Variants in PTPRD observed in about 807,000 individuals in gnomAD.
PTPRD encodes the protein receptor-type tyrosine-protein phosphatase delta.
Under a neutral mutation model 214.5 loss-of-function variants are expected in PTPRD, and 34 were observed. The observed-to-expected ratio is 0.16, with a 90% CI of 0.12 to 0.21. The LOEUF (loss-of-function observed/expected upper bound fraction) is 0.21. Ranked by LOEUF, PTPRD falls within the 10% of genes least tolerant of loss-of-function variation. The pLI is 1.00. For synonymous variants in PTPRD, 1,128 were observed against 845.7 expected, an observed-to-expected ratio of 1.33 and a Z score of -5.79; for missense variants, 2,545 against 2,398.7, an observed-to-expected ratio of 1.06 and a Z score of -1.27.
chr9:9,672,262 G>A (rs2096846097), intron 7 of PTPRD, among the ~76,000 whole-genome samples: 1 of 151,906 alleles, frequency 6.6e-6, no homozygotes, highest in South Asian at 2.1e-4. Context: ...ATCATCTAAA[G>A]ACTATTTTTA....
chr9:9,525,783 T>C (rs112451364), intron 8 of PTPRD, among the ~76,000 whole-genome samples: 2 of 152,192 alleles, frequency 1.3e-5, no homozygotes, highest in African/African-American at 4.8e-5. Context: ...TAGTAGGTAT[T>C]CATATTTCTT....
chr9:8,846,762 T>C (rs974374905), intron 11 of PTPRD, among the ~76,000 whole-genome samples: 2 of 151,972 alleles, frequency 1.3e-5, no homozygotes, highest in African/African-American at 4.8e-5. Context: ...AAAATGAATA[T>C]GAGTATGGCA....
intron 21 of PTPRD, among the ~76,000 whole-genome samples, chr9:8,510,723 G>T (rs1045690990): frequency 3.9e-5 from 6 of 152,114 alleles, no homozygotes; most frequent in Non-Finnish European, 8.8e-5. Flanking sequence ...GGAACTGAGG[G>T]TGTACCTAAC....
intron 3 of PTPRD, among the ~76,000 whole-genome samples, chr9:10,180,675 A>G (rs1027613640): frequency 2.6e-5 from 4 of 151,504 alleles, no homozygotes; most frequent in African/African-American, 9.7e-5. Context: ...AAAAAAATAG[A>G]TTAGCTTACC....
intron 11 of PTPRD, among the ~76,000 whole-genome samples, chr9:8,874,311 T>C (rs1250992412): frequency 6.6e-6 from 1 of 152,176 alleles, no homozygotes; most frequent in African/African-American, 2.4e-5. Context: ...ACCAGGACAT[T>C]CTTTGTTCCT....
chr9:9,686,960 C>T (rs1564542912), intron 7 of PTPRD, among the ~76,000 whole-genome samples: 1 of 151,692 alleles, frequency 6.6e-6, no homozygotes, highest in East Asian at 1.9e-4. Context: ...AAGACATTGT[C>T]CCTGCCTTGC....
intron 11 of PTPRD, among the ~76,000 whole-genome samples, chr9:8,831,915 T>TG (rs1008718542): frequency 4.6e-5 from 7 of 151,804 alleles, no homozygotes; most frequent in South Asian, 2.1e-4. Flanking sequence ...TAGTGCTTTT[T>TG]TTGACAGTTG....
intron 3 of PTPRD, among the ~76,000 whole-genome samples, chr9:10,098,805 G>A (rs1172783823): frequency 6.6e-6 from 1 of 151,758 alleles, no homozygotes; most frequent in Admixed American, 6.6e-5. Context: ...GCAAAGACAT[G>A]CAGGTGGTTA....
chr9:8,837,066 C>T (rs1412767677), intron 11 of PTPRD, among the ~76,000 whole-genome samples: 4 of 141,560 alleles, frequency 2.8e-5, no homozygotes, highest in Non-Finnish European at 3.1e-5. Flanking sequence ...CGCTGTGTCA[C>T]CCAGGCTGGA....
intron 9 of PTPRD, among the ~76,000 whole-genome samples, chr9:9,285,369 GTCT>G (rs1345839904): frequency 6.6e-6 from 1 of 151,604 alleles, no homozygotes; most frequent in African/African-American, 2.4e-5. Context: ...CTTCTCTTCA[GTCT>G]ATAAAGAATG....
At position 9,088,100 on chromosome 9, in the gene PTPRD, T is replaced by G. The variant is rs941201906; in HGVS notation, c.-142-69365A>C. 4.6e-5 allele frequency among the ~76,000 whole-genome samples: 7 copies of G among 151,316 alleles called. No individual in the cohort carries two copies. The East Asian group carries it at 1.2e-3, about 26-fold the overall frequency. On this transcript the variant is annotated intron_variant, in intron 10 of 45. Transcript: ENST00000381196. The stretch of plus-strand genomic sequence containing the variant: ...TTTCACCAAGTTGTCCAGGCTGGTC[T>G]TGAACTCCTGACCTGAAGTGATCTG...
intron 3 of PTPRD, among the ~76,000 whole-genome samples, chr9:10,286,980 G>C (rs562921679): frequency 1.3e-5 from 2 of 152,236 alleles, no homozygotes; most frequent in Admixed American, 6.5e-5. Flanking sequence ...AGAATGTAAG[G>C]TTAGCGAACT....
intron 11 of PTPRD, among the ~76,000 whole-genome samples, chr9:8,864,620 AAGT>A: frequency 6.6e-6 from 1 of 152,218 alleles, no homozygotes; most frequent in African/African-American, 2.4e-5. Flanking sequence ...ACTCACTCAG[AAGT>A]GAAATACCAC....
At chr9:9,077,627 T>C (rs1466900915) in intron 10 of PTPRD, among the ~76,000 whole-genome samples, 2 of 152,094 alleles carry the variant, frequency 1.3e-5, no homozygotes, top group Non-Finnish European at 2.9e-5. Context: ...CAAAGATTTG[T>C]GACTAAATGT....
chr9:10,379,249 TG>T (rs576972677), intron 2 of PTPRD, among the ~76,000 whole-genome samples: 51 of 149,064 alleles, frequency 3.4e-4, no homozygotes, highest in South Asian at 1.1e-3. Flanking sequence ...TAGTTTTTTT[TG>T]TGTGTGTGTG....
At chr9:10,192,357 G>A (rs1031059852) in intron 3 of PTPRD, among the ~76,000 whole-genome samples, 1 of 136,064 alleles carries the variant, frequency 7.3e-6, no homozygotes, top group East Asian at 2.3e-4. Flanking sequence ...TAATACAACA[G>A]AAATTTATTC....
chr9:10,231,874 C>CATG (rs1300375813), intron 3 of PTPRD, among the ~76,000 whole-genome samples: 1 of 151,540 alleles, frequency 6.6e-6, no homozygotes, highest in Non-Finnish European at 1.5e-5. Flanking sequence ...GTGGATCTCT[C>CATG]ATGAATATCT....
At chr9:9,700,715 C>A (rs1425986094) in intron 7 of PTPRD, among the ~76,000 whole-genome samples, 1 of 151,912 alleles carries the variant, frequency 6.6e-6, no homozygotes, top group Non-Finnish European at 1.5e-5. Context: ...GCTTATATAA[C>A]CATTATCATT....
intron 7 of PTPRD, among the ~76,000 whole-genome samples, chr9:9,613,329 T>C (rs184597504): frequency 1.4e-4 from 22 of 152,130 alleles, no homozygotes; most frequent in Admixed American, 9.8e-4. Flanking sequence ...TATTAAATTA[T>C]CACATTAGTG....
Sources: allele counts gnomAD v4.1 joint callset (sites outside exome capture counted in the v4.1 genomes callset), GRCh38; gene constraint gnomAD v4.1.1; transcripts MANE v1.5; gene names NCBI Gene and HGNC (gene_info 2026-07-23, HGNC 2026-07-21).